FARS2: variants seen among roughly 807,000 people sequenced by gnomAD.
The protein encoded by FARS2 is phenylalanyl-tRNA synthetase 2, mitochondrial.
A neutral mutation model predicts 46.4 loss-of-function variants in FARS2; 40 were observed. The ratio of observed to expected loss-of-function variants is 0.86; its 90% CI spans 0.67 to 1.12. The LOEUF (loss-of-function observed/expected upper bound fraction) is 1.12. FARS2 is among the 50% of genes most tolerant of loss of function. FARS2 has a pLI of 0.00. For missense variants in FARS2, 513 were observed against 567.9 expected (o/e 0.90, Z 0.98); for synonymous variants, 234 against 214.9 (o/e 1.09, Z -0.78).
intron 1 of FARS2, among the ~76,000 whole-genome samples, chr6:5,274,492 C>G (rs146203995): frequency 1.3e-5 from 2 of 152,190 alleles, no homozygotes; most frequent in Non-Finnish European, 2.9e-5. Flanking sequence ...GTGTCATCTT[C>G]TCCCCTGCTT....
intron 4 of FARS2, among the ~76,000 whole-genome samples, chr6:5,515,716 A>C (rs1768743416): frequency 6.6e-6 from 1 of 152,214 alleles, no homozygotes; most frequent in Non-Finnish European, 1.5e-5. Context: ...GGTGTGAGTC[A>C]CTGTGCCCAG....
At chr6:5,603,734 G>A (rs1428785514) in intron 5 of FARS2, among the ~76,000 whole-genome samples, 4 of 152,104 alleles carry the variant, frequency 2.6e-5, no homozygotes, top group Non-Finnish European at 4.4e-5. Flanking sequence ...ATTGCATTAG[G>A]GTCCACTCCA....
chr6:5,484,596 A>G (rs9502305), intron 4 of FARS2, among the ~76,000 whole-genome samples: 50,626 of 152,134 alleles, frequency 0.33, 10,244 homozygotes, highest in African/African-American at 0.57. Flanking sequence ...CATAAGGAAA[A>G]GATACAAAAT....
chr6:5,567,592 TGAGTATA>T (rs1390612226), intron 5 of FARS2, among the ~76,000 whole-genome samples: 2 of 152,212 alleles, frequency 1.3e-5, no homozygotes, highest in South Asian at 2.1e-4. Context: ...ATCTATTTGT[TGAGTATA>T]GCCTGGTGTC....
At chr6:5,370,141 T>G (rs570308211) in intron 2 of FARS2, among the ~76,000 whole-genome samples, 1 of 152,344 alleles carries the variant, frequency 6.6e-6, no homozygotes, top group Admixed American at 6.5e-5. Context: ...GTTATTAATA[T>G]GAAAACAAAT....
chr6:5,412,057 G>A (rs565081469), intron 3 of FARS2, among the ~76,000 whole-genome samples: 1 of 152,264 alleles, frequency 6.6e-6, no homozygotes, highest in South Asian at 2.1e-4. Context: ...ATTAATTAGT[G>A]TGAAGGAGAG....
At position 5,615,143 on chromosome 6, in the gene FARS2, T is replaced by C. The variant is rs538240533; in HGVS notation, c.1217+1823T>C. ...GTGTTTCACAAATTGGATTGGACTC[T>C]TATTTATTTTAGGAAAATTTTCTTG... On this transcript the variant is annotated intron_variant, in intron 6 of 6. Transcript: ENST00000274680. Among the ~76,000 whole-genome samples the C allele has an allele frequency of 7.2e-5, 11 of 152,362 alleles. No individual in the cohort carries two copies. The South Asian group carries it at 2.3e-3, about 32-fold the overall frequency.
At chr6:5,501,947 C>G (rs1001197110) in intron 4 of FARS2, among the ~76,000 whole-genome samples, 1 of 152,216 alleles carries the variant, frequency 6.6e-6, no homozygotes, top group Non-Finnish European at 1.5e-5. Flanking sequence ...TCAGTGAAAT[C>G]TAAATCTGTC....
At chr6:5,413,303 G>A (rs1762042080) in intron 3 of FARS2, among the ~76,000 whole-genome samples, 1 of 152,114 alleles carries the variant, frequency 6.6e-6, no homozygotes, top group Non-Finnish European at 1.5e-5. Context: ...ATTGTTTGGG[G>A]TTTTATGTTA....
rs566589950 is a variant in FARS2, at chr6:5,368,942, G to A, written c.372G>A (p.Gln124=). 4 of 1,614,186 alleles carry A rather than the reference G, an allele frequency of 2.5e-6. No homozygotes were observed. Among genetic ancestry groups the A allele is most frequent in the African/African-American group, 2.7e-5 (2 of 75,052 alleles). Residue 124 remains glutamine (Q), a synonymous_variant, in exon 2 of 7, where the codon CAG becomes CAA. Transcript: ENST00000274680. The part of the protein sequence containing the change: ...DNLSPVVTTW[Q]NFDSLLIPAD... ...TTTCTCCAGTGGTCACGACCTGGCA[G>A]AACTTTGACAGCCTGCTCATCCCAG...
intron 1 of FARS2, among the ~76,000 whole-genome samples, chr6:5,290,405 G>A (rs181540690): frequency 8.5e-4 from 129 of 152,254 alleles, no homozygotes; most frequent in African/African-American, 2.9e-3. Context: ...AAACTCCATG[G>A]CAGAAAAGAT....
chr6:5,619,619 A>G (rs573402072), intron 6 of FARS2, among the ~76,000 whole-genome samples: 8 of 151,936 alleles, frequency 5.3e-5, no homozygotes, highest in Non-Finnish European at 8.8e-5. Flanking sequence ...GCCATTTTTT[A>G]TAATTTGGCT....
intron 1 of FARS2, among the ~76,000 whole-genome samples, chr6:5,348,897 TTTCCCTC>T (rs57085271): frequency 0.055 from 8,420 of 152,242 alleles, 260 homozygotes; most frequent in Middle Eastern, 0.14. Context: ...GACTGAATGC[TTTCCCTC>T]TAAGATTGGG....
At chr6:5,704,524 A>ATGCAACTATAT (rs1196593098) in intron 6 of FARS2, among the ~76,000 whole-genome samples, 17 of 152,246 alleles carry the variant, frequency 1.1e-4, no homozygotes, top group African/African-American at 7.2e-5. Flanking sequence ...AAAAGAGTAT[A>ATGCAACTATAT]ATTCTCTGCA....
chr6:5,608,549 A>T lies in FARS2; in HGVS notation c.1066-4620A>T, dbSNP rs555599531. On this transcript the variant is annotated intron_variant, in intron 5 of 6. Transcript: ENST00000274680. ...GTATTAAATCGTTTATTGATTACAC[A>T]TGATAATGAATGATACACAAACTTC... 3.3e-5 allele frequency among the ~76,000 whole-genome samples: 5 copies of T among 152,306 alleles called. No individual in the cohort carries two copies. In the South Asian group the frequency reaches 1.0e-3, roughly 32 times the overall value.
intron 2 of FARS2, among the ~76,000 whole-genome samples, chr6:5,390,870 C>G (rs954640395): frequency 2.0e-5 from 3 of 152,166 alleles, no homozygotes; most frequent in African/African-American, 7.2e-5. Flanking sequence ...ATGATCATAG[C>G]TTACATGTTT....
intron 1 of FARS2, among the ~76,000 whole-genome samples, chr6:5,265,428 C>G (rs1765485767): frequency 6.6e-6 from 1 of 152,202 alleles, no homozygotes; most frequent in Admixed American, 6.5e-5. Flanking sequence ...TGGAATAAAT[C>G]ATTTCTTCCC....
At chr6:5,399,522 TACA>T (rs1761127393) in intron 2 of FARS2, among the ~76,000 whole-genome samples, 1 of 152,142 alleles carries the variant, frequency 6.6e-6, no homozygotes, top group South Asian at 2.1e-4. Context: ...CTCAGAACTA[TACA>T]ACAAGGTTTA....
chr6:5,526,257 C>A (rs1240723372), intron 4 of FARS2, among the ~76,000 whole-genome samples: 1 of 152,162 alleles, frequency 6.6e-6, no homozygotes, highest in Non-Finnish European at 1.5e-5. Flanking sequence ...TTTTAAATGT[C>A]ATCTTTTAAT....
Sources: gnomAD v4.1 joint callset for allele counts (sites outside exome capture counted in the v4.1 genomes callset) on GRCh38, gnomAD v4.1.1 for gene constraint, MANE v1.5 for transcripts, NCBI Gene and HGNC (gene_info 2026-07-23, HGNC 2026-07-21) for gene names.